DIAPH3: variants seen among roughly 807,000 people sequenced by gnomAD.
DIAPH3 encodes the protein diaphanous related formin 3.
A neutral mutation model predicts 144.3 loss-of-function variants in DIAPH3; 117 were observed. The observed-to-expected ratio is 0.81, with a 90% CI of 0.70 to 0.95. The LOEUF (loss-of-function observed/expected upper bound fraction) is 0.95. DIAPH3 is among the 40% of genes least tolerant of loss of function. The pLI, the probability that DIAPH3 is intolerant of heterozygous loss-of-function variation, is 0.00. For missense variants in DIAPH3, 1,421 were observed against 1,412.7 expected (o/e 1.01, Z -0.09); for synonymous variants, 519 against 488.9 (o/e 1.06, Z -0.81).
At chr13:59,810,562 A>G (rs1183382475) in intron 25 of DIAPH3, among the ~76,000 whole-genome samples, 3 of 152,208 alleles carry the variant, frequency 2.0e-5, no homozygotes, top group Non-Finnish European at 4.4e-5. Flanking sequence ...AAACAGCATA[A>G]CAGAGGACCA....
chr13:60,163,483 C>A (rs763386415), intron 1 of DIAPH3, 104 bp downstream of exon 1: 16 of 1,488,712 alleles, frequency 1.1e-5, no homozygotes, highest in African/African-American at 9.8e-5. Flanking sequence ...ACCTCTGGAT[C>A]TCTAGAATAA....
At chr13:59,874,618 A>G (rs1165533080) in intron 21 of DIAPH3, among the ~76,000 whole-genome samples, 1 of 152,220 alleles carries the variant, frequency 6.6e-6, no homozygotes, top group Non-Finnish European at 1.5e-5. Flanking sequence ...CTCATTAGAT[A>G]TTCTACTGCC....
chr13:59,850,059 T>C (rs1028417426), intron 22 of DIAPH3, among the ~76,000 whole-genome samples: 13 of 146,308 alleles, frequency 8.9e-5, no homozygotes, highest in African/African-American at 1.8e-4. Flanking sequence ...GATTCCTAGG[T>C]ATTTTATTCT....
At chr13:60,124,909 T>G (rs2058948124) in intron 2 of DIAPH3, among the ~76,000 whole-genome samples, 1 of 152,098 alleles carries the variant, frequency 6.6e-6, no homozygotes, top group South Asian at 2.1e-4. Flanking sequence ...AAAAGGATAG[T>G]ACTTAAATGG....
intron 20 of DIAPH3, among the ~76,000 whole-genome samples, chr13:59,902,716 C>T (rs952205259): frequency 2.0e-5 from 3 of 152,084 alleles, no homozygotes; most frequent in African/African-American, 7.2e-5. Flanking sequence ...GCACATGGTG[C>T]AGTGAGCCAA....
chr13:60,124,677 A>G (rs1425583531), intron 2 of DIAPH3, among the ~76,000 whole-genome samples: 1 of 151,832 alleles, frequency 6.6e-6, no homozygotes, highest in Admixed American at 6.6e-5. Flanking sequence ...ACATGGAGAA[A>G]CCCCATCGCT....
intron 17 of DIAPH3, among the ~76,000 whole-genome samples, chr13:59,935,449 GA>G (rs1040971105): frequency 1.3e-5 from 2 of 152,064 alleles, no homozygotes; most frequent in African/African-American, 4.8e-5. Flanking sequence ...AAACGACTGA[GA>G]AAAAAACTAA....
At chr13:60,006,899 G>T (rs1178613844) in intron 9 of DIAPH3, among the ~76,000 whole-genome samples, 1 of 152,122 alleles carries the variant, frequency 6.6e-6, no homozygotes, top group African/African-American at 2.4e-5. Context: ...GTTCCTGCAG[G>T]ACCCATGCCA....
At chr13:59,690,211 T>A (rs2033434232) in intron 27 of DIAPH3, among the ~76,000 whole-genome samples, 1 of 152,140 alleles carries the variant, frequency 6.6e-6, no homozygotes, top group Admixed American at 6.6e-5. Context: ...CTTTATGCCA[T>A]GATACACTGC....
intron 3 of DIAPH3, among the ~76,000 whole-genome samples, chr13:60,104,566 G>GCACACAAACACACACA (rs1555375784): frequency 6.8e-6 from 1 of 147,026 alleles, no homozygotes; most frequent in Non-Finnish European, 1.5e-5. Context: ...CAGTATCAAG[G>GCACACAAACACACACA]CACACACACA....
chr13:59,851,371 C>G (rs76770448), intron 22 of DIAPH3, among the ~76,000 whole-genome samples: 3 of 152,122 alleles, frequency 2.0e-5, no homozygotes, highest in African/African-American at 4.8e-5. Context: ...GGCCTCTCTA[C>G]GACTCTTTTA....
chr13:60,101,001 A>G (rs777683107), intron 3 of DIAPH3, among the ~76,000 whole-genome samples: 13 of 152,042 alleles, frequency 8.6e-5, no homozygotes, highest in Non-Finnish European at 1.6e-4. Context: ...ATTTCCTCCT[A>G]TTTTCATTCC....
intron 4 of DIAPH3, among the ~76,000 whole-genome samples, chr13:60,070,671 C>T (rs2057172880): frequency 6.6e-6 from 1 of 152,138 alleles, no homozygotes; most frequent in Admixed American, 6.5e-5. Flanking sequence ...CTCAAATTAT[C>T]TCAAGTTAGG....
At chr13:59,758,922 G>GGT (rs1354442241) in intron 27 of DIAPH3, among the ~76,000 whole-genome samples, 1 of 151,286 alleles carries the variant, frequency 6.6e-6, no homozygotes, top group Non-Finnish European at 1.5e-5. Context: ...TGGGACCATG[G>GGT]GCGCACACCA....
At chr13:59,677,008 A>G (rs2032677669) in intron 27 of DIAPH3, among the ~76,000 whole-genome samples, 1 of 152,138 alleles carries the variant, frequency 6.6e-6, no homozygotes, top group Non-Finnish European at 1.5e-5. Context: ...AATCTAATTC[A>G]TATCCATCTA....
chr13:60,083,907 AGATG>A (rs61418371), intron 4 of DIAPH3, among the ~76,000 whole-genome samples: 31,397 of 145,358 alleles, frequency 0.22, 3,611 homozygotes, highest in East Asian at 0.46. Flanking sequence ...ATGGATGGAC[AGATG>A]GATGGATGGA....
At chr13:59,673,259 C>G (rs2032475059) in intron 27 of DIAPH3, among the ~76,000 whole-genome samples, 1 of 152,170 alleles carries the variant, frequency 6.6e-6, no homozygotes, top group Non-Finnish European at 1.5e-5. Flanking sequence ...TTTCATCTCT[C>G]CCCTCAATTC....
chr13:60,073,376 G>C (rs543358112), intron 4 of DIAPH3, among the ~76,000 whole-genome samples: 63 of 152,028 alleles, frequency 4.1e-4, no homozygotes, highest in Non-Finnish European at 8.1e-4. Flanking sequence ...AATTATAACT[G>C]GGTGGCATTT....
chr13:59,738,108 A>T (rs1417113206), intron 27 of DIAPH3, among the ~76,000 whole-genome samples: 4 of 152,198 alleles, frequency 2.6e-5, no homozygotes, highest in Non-Finnish European at 5.9e-5. Flanking sequence ...GGGAGGCTGC[A>T]GTGAGCTGAG....
Sources: gnomAD v4.1 joint callset for allele counts (sites outside exome capture counted in the v4.1 genomes callset) on GRCh38, gnomAD v4.1.1 for gene constraint, MANE v1.5 for transcripts, NCBI Gene and HGNC (gene_info 2026-07-23, HGNC 2026-07-21) for gene names.